RSPH10B2: variants seen among roughly 807,000 people sequenced by gnomAD.
RSPH10B2 encodes the protein radial spoke head 10 homolog B2, also known as radial spoke head 10 homolog B2 (Chlamydomonas).
In RSPH10B2, 9 loss-of-function variants were observed where a neutral mutation model predicts 49.0. That is an observed-to-expected ratio of 0.18 (90% CI 0.11 to 0.32). The LOEUF (loss-of-function observed/expected upper bound fraction) is 0.32. Among genes scored for constraint, RSPH10B2 ranks in the 10% least tolerant of loss-of-function variants. The pLI, the probability that RSPH10B2 is intolerant of heterozygous loss-of-function variation, is 1.00. For missense variants in RSPH10B2, 95 were observed against 589.9 expected, an observed-to-expected ratio of 0.16 and a Z score of 8.69; for synonymous variants, 35 against 210.2, an observed-to-expected ratio of 0.17 and a Z score of 7.21.
intron 9 of RSPH10B2, among the ~76,000 whole-genome samples, chr7:6,774,748 TTTTTTTG>T (rs1487226851): frequency 2.2e-4 from 19 of 87,538 alleles, no homozygotes; most frequent in African/African-American, 7.7e-4. Flanking sequence ...ATATTATCTT[TTTTTTTG>T]TTTTTTTTTT....
At chr7:6,794,088 C>G (rs1782466641) in intron 17 of RSPH10B2, 1 of 112,854 alleles carries the variant, frequency 8.9e-6, no homozygotes, top group Non-Finnish European at 2.0e-5. Context: ...ACCTTTGCTG[C>G]TAGGCATCTT....
chr7:6,796,633 GTCT>G lies in RSPH10B2; in HGVS notation c.2304_2306del (p.Phe769del), dbSNP rs536754417. On this transcript the variant is annotated inframe_deletion, in exon 18 of 19. Transcript: ENST00000297186. ...CAACACGTGGGTCAATAATACGTAC[GTCT>G]TCTTTGTGAACACGCTCTTTCATGC... The G allele has an allele frequency of 6.0e-5, 72 of 1,206,932 alleles. 5 individuals are homozygous for G. In the African/African-American group the frequency reaches 1.1e-3, roughly 19 times the overall value. 74.8% of individuals were successfully genotyped at this position (1,206,932 alleles called of 1,614,324 possible). A position where few individuals can be genotyped will look rare whatever the true frequency, so the allele number is the denominator to read the frequency against.
At chr7:6,787,132 G>A (rs375012582) in intron 15 of RSPH10B2, 111 bp downstream of exon 17, 39,533 of 1,145,778 alleles carry the variant, frequency 0.035, 2,322 homozygotes, top group Middle Eastern at 0.066. Flanking sequence ...GAGGCGGACG[G>A]ATCACGAGGT....
chr7:6,752,324 A>G (rs1432040892), upstream of RSPH10B2, among the ~76,000 whole-genome samples: 1 of 139,758 alleles, frequency 7.2e-6, no homozygotes, highest in Admixed American at 7.5e-5. Context: ...AGAACATTCC[A>G]GTTACTGGCC....
exon 18 of RSPH10B2, chr7:6,796,680 T>G: frequency 7.8e-7 from 1 of 1,282,528 alleles, no homozygotes; most frequent in Non-Finnish European, 1.0e-6. Context: ...GTGAAGAAGC[T>G]ATCAAGGAGA....
At chr7:6,796,117 C>G (rs1424214679) in intron 17 of RSPH10B2, among the ~76,000 whole-genome samples, 8 of 137,640 alleles carry the variant, frequency 5.8e-5, no homozygotes, top group African/African-American at 1.6e-4. Context: ...GTTAAGAGTT[C>G]GAGACCAGCC....
intron 1 of RSPH10B2, among the ~76,000 whole-genome samples, chr7:6,758,480 A>G (rs1354929052): frequency 6.5e-5 from 9 of 138,356 alleles, no homozygotes; most frequent in Non-Finnish European, 1.3e-4. Flanking sequence ...AAAATGTACT[A>G]TCTTAATTAT....
intron 13 of RSPH10B2, among the ~76,000 whole-genome samples, chr7:6,785,392 G>C (rs1161340014): frequency 1.3e-5 from 2 of 152,298 alleles, no homozygotes; most frequent in African/African-American, 4.8e-5. Context: ...TGCCCAGGCT[G>C]ATCCCCAACG....
intron 18 of RSPH10B2, among the ~76,000 whole-genome samples, chr7:6,797,864 A>ACACACACAC (rs1370266545): frequency 1.7e-4 from 12 of 71,322 alleles, no homozygotes; most frequent in African/African-American, 4.9e-4. Context: ...AAAAAAAAAA[A>ACACACACAC]ATACACACAC....
chr7:6,781,095 A>G lies in RSPH10B2; in HGVS notation c.1609+207A>G, dbSNP rs1310755736. Among the ~76,000 whole-genome samples the G allele has an allele frequency of 1.8e-5, 2 of 112,902 alleles. 1 individual carries two copies. The highest frequency in any genetic ancestry group is 3.6e-5 in the Non-Finnish European group (2 of 55,362). 74.1% of individuals were successfully genotyped at this position (112,902 alleles called of 152,430 possible). On this transcript the variant is annotated intron_variant, in intron 12 of 18. Coordinates refer to ENST00000297186, the Ensembl canonical transcript of RSPH10B2. ...TACTAGAAATACAAAAAAATTAGCCAGGTATGGTGGTGCATGCCTGTAATC... is the reference window on the plus strand; with the variant it reads ...TACTAGAAATACAAAAAAATTAGCCGGGTATGGTGGTGCATGCCTGTAATC...
At position 6,786,907 on chromosome 7, in the gene RSPH10B2, CTT is replaced by C. The variant is rs760343126; in HGVS notation, c.1897_1898del (p.Leu633LysfsTer9). 1.0e-6 allele frequency: 1 copy of C among 963,884 alleles called. No homozygotes were observed. Among genetic ancestry groups the C allele is most frequent in the African/African-American group, 2.0e-5 (1 of 48,800 alleles). The allele number at this position is 963,884 out of a possible 1,614,324, so 59.7% of individuals were successfully genotyped here. A position where few individuals can be genotyped will look rare whatever the true frequency, so the allele number is the denominator to read the frequency against. ...TTTTCCTGGAATTCTTTGAAGCTCT[CTT>C]AAGCTTTGCATTCATCTGTGTTACT... On this transcript the variant is annotated frameshift_variant, in exon 15 of 19. Transcript: ENST00000297186. LOFTEE classifies it high-confidence loss of function.
chr7:6,797,165 C>A (rs530217513), intron 18 of RSPH10B2, among the ~76,000 whole-genome samples: 1 of 142,986 alleles, frequency 7.0e-6, no homozygotes, highest in South Asian at 2.5e-4. Flanking sequence ...TGCACCACCA[C>A]GCCTGGCTAA....
At chr7:6,797,852 C>CAA (rs549782599) in intron 18 of RSPH10B2, among the ~76,000 whole-genome samples, 5 of 73,824 alleles carry the variant, frequency 6.8e-5, no homozygotes, top group Admixed American at 1.6e-4. Flanking sequence ...GACCCTATCT[C>CAA]AAAAAAAAAA....
chr7:6,764,468 C>G (rs1190792690), intron 4 of RSPH10B2, among the ~76,000 whole-genome samples: 1 of 151,102 alleles, frequency 6.6e-6, no homozygotes, highest in African/African-American at 2.4e-5. Flanking sequence ...TCAAGCAAAT[C>G]TCCTGCCTCA....
chr7:6,755,952 A>AG (rs1308960882), upstream of RSPH10B2, among the ~76,000 whole-genome samples: 1 of 142,506 alleles, frequency 7.0e-6, no homozygotes, highest in African/African-American at 2.8e-5. Context: ...AAAAAAAAAA[A>AG]AAAACAAACC....
chr7:6,759,297 C>T (rs1425689365), intron 2 of RSPH10B2, 138 bp downstream of exon 4: 1 of 44,980 alleles, frequency 2.2e-5, no homozygotes. Context: ...ATTCTGAAAC[C>T]TGATTACCTA....
At chr7:6,756,032 G>A (rs1398090015), upstream of RSPH10B2, among the ~76,000 whole-genome samples, 30 of 150,494 alleles carry the variant, frequency 2.0e-4, no homozygotes, top group Non-Finnish European at 3.5e-4. Flanking sequence ...CACTTTGGAG[G>A]CCAAGGCGGG....
At chr7:6,791,712 C>T (rs1782340958) in intron 16 of RSPH10B2, among the ~76,000 whole-genome samples, 192 bp from the exon 19 acceptor site, 2 of 132,994 alleles carry the variant, frequency 1.5e-5, no homozygotes, top group Admixed American at 1.7e-4. Context: ...CCACTGCACT[C>T]CAGCCTGGGC....
At chr7:6,764,708 TTGTGTGTGTGTG>T (rs372144067) in intron 4 of RSPH10B2, among the ~76,000 whole-genome samples, 19 of 147,618 alleles carry the variant, frequency 1.3e-4, no homozygotes, top group East Asian at 3.9e-4. Context: ...GTTGTTGTTG[TTGTGTGTGTGTG>T]TGTGTGTGTG....
Sources: gnomAD v4.1 joint callset for allele counts (sites outside exome capture counted in the v4.1 genomes callset) on GRCh38, gnomAD v4.1.1 for gene constraint, MANE v1.5 for transcripts, NCBI Gene and HGNC (gene_info 2026-07-23, HGNC 2026-07-21) for gene names.